Variants in VPS13B observed in about 807,000 individuals in gnomAD.
VPS13B encodes the protein intermembrane lipid transfer protein VPS13B.
In VPS13B, 285 loss-of-function variants were observed where a neutral mutation model predicts 426.4. The observed-to-expected ratio is 0.67, with a 90% CI of 0.61 to 0.74. The LOEUF is 0.74. Ranked by LOEUF, VPS13B falls within the 30% of genes least tolerant of loss-of-function variation. The pLI is 0.00. For missense variants in VPS13B, 4,537 were observed against 4,782.6 expected, an observed-to-expected ratio of 0.95 and a Z score of 1.51; for synonymous variants, 1,676 against 1,676.4, an observed-to-expected ratio of 1.00 and a Z score of 0.01.
intron 3 of VPS13B, among the ~76,000 whole-genome samples, chr8:99,070,180 C>T (rs1368343039): frequency 1.3e-5 from 2 of 152,156 alleles, no homozygotes. Flanking sequence ...TCCCAAAGTG[C>T]TGGGATTACA....
intron 56 of VPS13B, among the ~76,000 whole-genome samples, chr8:99,856,086 C>G (rs1258689224): frequency 1.3e-5 from 2 of 152,220 alleles, no homozygotes; most frequent in Non-Finnish European, 2.9e-5. Flanking sequence ...CCTGTGGCAC[C>G]AAGTAACGGG....
intron 44 of VPS13B, among the ~76,000 whole-genome samples, chr8:99,813,277 A>G (rs1334254034): frequency 1.3e-5 from 2 of 152,156 alleles, no homozygotes. Context: ...GACTATAAAA[A>G]CCCACCAAGA....
At chr8:99,152,669 G>A (rs1811134264) in intron 14 of VPS13B, among the ~76,000 whole-genome samples, 1 of 152,108 alleles carries the variant, frequency 6.6e-6, no homozygotes, top group Admixed American at 6.5e-5. Flanking sequence ...TTGGCACTGT[G>A]TCTTTAGGCA....
At chr8:99,429,430 TC>T (rs1369935106) in intron 21 of VPS13B, 1 of 152,168 alleles carries the variant, frequency 6.6e-6, no homozygotes, top group African/African-American at 2.4e-5. Flanking sequence ...CTGTAAATAA[TC>T]TATTCTTATC....
chr8:99,469,934 A>G (rs1819310103), intron 24 of VPS13B, among the ~76,000 whole-genome samples: 1 of 152,206 alleles, frequency 6.6e-6, no homozygotes, highest in Non-Finnish European at 1.5e-5. Context: ...CTGTAAGCCA[A>G]GGAGCACCCA....
Position 99,832,463 on chromosome 8 carries a change from T to C in VPS13B, c.9425T>C (p.Met3142Thr), listed in dbSNP as rs1044976516. Reference sequence around the variant, plus strand: ...AGCTCCCTTCCTTGCTGGGACTTGATGCCTGACATCAGTCAGTCAGTACTG... The same window carrying C: ...AGCTCCCTTCCTTGCTGGGACTTGACGCCTGACATCAGTCAGTCAGTACTG... ...KSSSLPCWDL[M>T]PDISQSVLDA... Residue 3142 changes from methionine (M) to threonine (T), a missense_variant, in exon 52 of 62, where the codon ATG becomes ACG. Transcript: ENST00000357162. 6.2e-6 allele frequency: 10 copies of C among 1,612,166 alleles called. No individual in the cohort carries two copies. The highest frequency in any genetic ancestry group is 5.0e-5 in the Admixed American group (3 of 59,812).
chr8:99,744,003 C>G lies in VPS13B; in HGVS notation c.7051-22771C>G, dbSNP rs2130495362. On this transcript the variant is annotated intron_variant, in intron 39 of 61. Coordinates refer to ENST00000357162, the MANE Select transcript of VPS13B (RefSeq NM_152564.5). ...ATCTAATTAAACTAAAGAGCTTCTG[C>G]ACAACAAAAGAAACTACCATCAGAG... Among the ~76,000 whole-genome samples the G allele has an allele frequency of 2.0e-5, 3 of 152,248 alleles. No homozygotes were observed. In the South Asian group the frequency reaches 6.2e-4, roughly 32 times the overall value.
At chr8:99,208,492 G>A (rs1814865069) in intron 17 of VPS13B, among the ~76,000 whole-genome samples, 1 of 151,500 alleles carries the variant, frequency 6.6e-6, no homozygotes, top group Non-Finnish European at 1.5e-5. Flanking sequence ...TCTTTTTATA[G>A]TCACCTTTTT....
intron 33 of VPS13B, among the ~76,000 whole-genome samples, chr8:99,619,829 T>G (rs1828273718): frequency 2.0e-5 from 3 of 151,668 alleles, no homozygotes; most frequent in Admixed American, 2.0e-4. Context: ...GTGCTGAGAT[T>G]GTGCCACTAA....
rs371001879 is a variant in VPS13B at position 99,525,346 on chromosome 8, A to G, written c.4745+4336A>G. 7.2e-5 allele frequency among the ~76,000 whole-genome samples: 11 copies of G among 152,310 alleles called. No homozygotes were observed. In the East Asian group the frequency reaches 1.7e-3, roughly 24 times the overall value. ...GTTTGTTTATGCAATCAGTGTTGTC[A>G]TAAGTTTAAAATAATGGTGTATATT... On this transcript the variant is annotated intron_variant, in intron 30 of 61. Transcript: ENST00000357162.
chr8:99,497,847 T>G (rs1336989717), intron 25 of VPS13B, among the ~76,000 whole-genome samples: 1 of 152,200 alleles, frequency 6.6e-6, no homozygotes, highest in Non-Finnish European at 1.5e-5. Context: ...TTAAAACTCC[T>G]GAAAATACTT....
chr8:99,022,102 G>A (rs1394705672), intron 2 of VPS13B, among the ~76,000 whole-genome samples: 2 of 151,466 alleles, frequency 1.3e-5, no homozygotes, highest in African/African-American at 4.8e-5. Context: ...AATTGTACTT[G>A]TGCTTTCTTT....
intron 31 of VPS13B, among the ~76,000 whole-genome samples, chr8:99,573,269 A>G (rs895565121): frequency 1.3e-5 from 2 of 152,172 alleles, no homozygotes; most frequent in Non-Finnish European, 2.9e-5. Context: ...CTCTGATAGT[A>G]GTTTCTTTTG....
At chr8:99,196,675 G>A (rs1813952750) in intron 17 of VPS13B, among the ~76,000 whole-genome samples, 1 of 152,138 alleles carries the variant, frequency 6.6e-6, no homozygotes, top group Non-Finnish European at 1.5e-5. Flanking sequence ...CTTACCTCAA[G>A]TAATTCACCC....
intron 34 of VPS13B, among the ~76,000 whole-genome samples, chr8:99,660,677 A>G (rs1830187453): frequency 6.6e-6 from 1 of 152,094 alleles, no homozygotes; most frequent in African/African-American, 2.4e-5. Context: ...AGCCAAAAAT[A>G]CTTTTTAAAA....
intron 19 of VPS13B, among the ~76,000 whole-genome samples, chr8:99,349,517 G>T (rs1036910986): frequency 3.3e-5 from 5 of 152,056 alleles, no homozygotes; most frequent in African/African-American, 1.2e-4. Context: ...AGAGTTGCCA[G>T]GTAAAAATAC....
intron 42 of VPS13B, among the ~76,000 whole-genome samples, chr8:99,783,305 C>T (rs1310394850): frequency 6.6e-6 from 1 of 152,086 alleles, no homozygotes; most frequent in East Asian, 1.9e-4. Context: ...AGATCCATAG[C>T]CAGGAAATAG....
At chr8:99,206,496 A>G (rs1003253087) in intron 17 of VPS13B, among the ~76,000 whole-genome samples, 8 of 152,130 alleles carry the variant, frequency 5.3e-5, no homozygotes, top group Non-Finnish European at 1.0e-4. Flanking sequence ...ATATTTTCCA[A>G]CTCATTAGGA....
intron 33 of VPS13B, among the ~76,000 whole-genome samples, chr8:99,628,838 C>T (rs887064211): frequency 6.6e-6 from 1 of 151,374 alleles, no homozygotes; most frequent in Admixed American, 6.6e-5. Flanking sequence ...AGTGCAGTGG[C>T]GTGATCATGG....
Sources: allele counts gnomAD v4.1 joint callset (sites outside exome capture counted in the v4.1 genomes callset), GRCh38; gene constraint gnomAD v4.1.1; transcripts MANE v1.5; gene names NCBI Gene and HGNC (gene_info 2026-07-23, HGNC 2026-07-21).